NSF: variants seen among roughly 807,000 people sequenced by gnomAD.
NSF encodes N-ethylmaleimide sensitive factor, vesicle fusing ATPase, also known as vesicle-fusing ATPase.
A neutral mutation model predicts 50.3 loss-of-function variants in NSF; 14 were observed. The observed-to-expected ratio is 0.28, with a 90% CI of 0.18 to 0.44. The LOEUF (loss-of-function observed/expected upper bound fraction) is 0.44. Ranked by LOEUF, NSF falls within the 20% of genes least tolerant of loss-of-function variation. The pLI, the probability that NSF is intolerant of heterozygous loss-of-function variation, is 1.00. For synonymous variants in NSF, 109 were observed against 175.7 expected (o/e 0.62, Z 3.00); for missense variants, 218 against 504.3 (o/e 0.43, Z 5.44).
At position 46,605,403 on chromosome 17, in the gene NSF, G is replaced by A. The variant is rs545093023; in HGVS notation, c.12+14616G>A. ...GTGGAGGTTGCAGTGAGCCGAGATCGTGCCATTGCATGCCAGCCTGGGCAA... is the reference window on the plus strand; with the variant it reads ...GTGGAGGTTGCAGTGAGCCGAGATCATGCCATTGCATGCCAGCCTGGGCAA... On this transcript the variant is annotated intron_variant, in intron 1 of 20. Transcript: ENST00000398238. 4.3e-5 allele frequency among the ~76,000 whole-genome samples: 6 copies of A among 141,176 alleles called. No homozygotes were observed. The South Asian group carries it at 7.3e-4, about 17-fold the overall frequency. 92.6% of individuals were successfully genotyped at this position (141,176 alleles called of 152,430 possible). A position where few individuals can be genotyped will look rare whatever the true frequency, so the allele number is the denominator to read the frequency against.
intron 13 of NSF, among the ~76,000 whole-genome samples, chr17:46,709,587 C>G (rs552253047): frequency 2.6e-5 from 4 of 151,786 alleles, no homozygotes; most frequent in South Asian, 2.1e-4. Flanking sequence ...CTCCGCCTCC[C>G]GGGTTCAAGC....
At chr17:46,722,614 T>A (rs936658407) in intron 15 of NSF, among the ~76,000 whole-genome samples, 1 of 152,148 alleles carries the variant, frequency 6.6e-6, no homozygotes, top group African/African-American at 2.4e-5. Flanking sequence ...TTAGTGAGAA[T>A]TCTGCTGGGG....
chr17:46,739,132 G>T (rs2059039596), intron 17 of NSF, among the ~76,000 whole-genome samples: 1 of 152,176 alleles, frequency 6.6e-6, no homozygotes, highest in Non-Finnish European at 1.5e-5. Flanking sequence ...CACTTTGGGA[G>T]GCCAAGGTAG....
chr17:46,731,159 T>TA (rs879432467), intron 17 of NSF, among the ~76,000 whole-genome samples: 1 of 151,616 alleles, frequency 6.6e-6, no homozygotes, highest in African/African-American at 2.4e-5. Flanking sequence ...TACTCAGCAA[T>TA]AAAAAAAAGT....
At chr17:46,730,780 T>C (rs1166480892) in intron 17 of NSF, among the ~76,000 whole-genome samples, 1 of 152,090 alleles carries the variant, frequency 6.6e-6, no homozygotes, top group Non-Finnish European at 1.5e-5. Context: ...TAAGTAAAGT[T>C]CAAATGGCCA....
At chr17:46,630,892 T>C (rs1255355564) in intron 4 of NSF, among the ~76,000 whole-genome samples, 1 of 136,018 alleles carries the variant, frequency 7.4e-6, no homozygotes, top group Non-Finnish European at 1.5e-5. Context: ...TTAAACCAGC[T>C]TTTCTTCTGC....
chr17:46,750,461 G>A (rs2059171280), intron 18 of NSF, among the ~76,000 whole-genome samples: 1 of 152,190 alleles, frequency 6.6e-6, no homozygotes, highest in South Asian at 2.1e-4. Context: ...AATCTGAAAT[G>A]CTTCAGTGAG....
intron 17 of NSF, among the ~76,000 whole-genome samples, chr17:46,735,355 A>G (rs2058991139): frequency 6.6e-6 from 1 of 152,060 alleles, no homozygotes; most frequent in African/African-American, 2.4e-5. Flanking sequence ...GTGGCATTAC[A>G]TTAGCTTTTG....
At chr17:46,736,785 T>C (rs1444030042) in intron 17 of NSF, among the ~76,000 whole-genome samples, 1 of 152,238 alleles carries the variant, frequency 6.6e-6, no homozygotes, top group Non-Finnish European at 1.5e-5. Context: ...CCTTGTTCTT[T>C]TTATGACTTA....
intron 12 of NSF, among the ~76,000 whole-genome samples, chr17:46,699,207 G>GTTTT (rs1193580422): frequency 9.4e-6 from 1 of 106,306 alleles, no homozygotes; most frequent in African/African-American, 3.6e-5. Flanking sequence ...GTTTTTTCAG[G>GTTTT]TTTTCTGAGA....
At chr17:46,754,063 G>A (rs2059209575) in intron 19 of NSF, among the ~76,000 whole-genome samples, 1 of 151,220 alleles carries the variant, frequency 6.6e-6, no homozygotes, top group Non-Finnish European at 1.5e-5. Context: ...CTACAGGCAA[G>A]TCAGTAAGTT....
chr17:46,730,993 A>C (rs1313816497), intron 17 of NSF, among the ~76,000 whole-genome samples: 1 of 152,162 alleles, frequency 6.6e-6, no homozygotes, highest in Non-Finnish European at 1.5e-5. Context: ...TTAAGCATAG[A>C]GTTACCATAT....
At chr17:46,745,225 C>A (rs936526901) in intron 17 of NSF, among the ~76,000 whole-genome samples, 3 of 152,214 alleles carry the variant, frequency 2.0e-5, no homozygotes, top group African/African-American at 7.2e-5. Context: ...CAATGTATCA[C>A]TTTAATATAT....
Position 46,721,548 on chromosome 17 carries a change from T to C in NSF, c.1762-5001T>C. ...ACTATACATTCTTTTTCTGTGTGTG[T>C]GTGAATATATACTTTTTATTTAGCC... is the stretch of plus-strand genomic sequence containing the variant. On this transcript the variant is annotated intron_variant, in intron 15 of 20. Transcript: ENST00000398238. 4 of 1,229,572 alleles carry C rather than the reference T, an allele frequency of 3.3e-6. No homozygotes were observed. In the South Asian group the frequency reaches 4.8e-5, roughly 15 times the overall value. The allele number at this position is 1,229,572 out of a possible 1,614,324, so 76.2% of individuals were successfully genotyped here. A position where few individuals can be genotyped will look rare whatever the true frequency, so the allele number is the denominator to read the frequency against.
At chr17:46,755,578 A>T (rs2059225023) in intron 20 of NSF, 2 of 681,274 alleles carry the variant, frequency 2.9e-6, no homozygotes, top group Non-Finnish European at 2.5e-6. Flanking sequence ...TCCTTGTCAC[A>T]ATGCAGGAAA....
chr17:46,676,293 C>T (rs2058407449), intron 9 of NSF, among the ~76,000 whole-genome samples: 2 of 137,274 alleles, frequency 1.5e-5, no homozygotes, highest in Admixed American at 1.5e-4. Context: ...AGTGCAATGG[C>T]GTGATCTCGG....
intron 17 of NSF, among the ~76,000 whole-genome samples, chr17:46,740,654 A>G (rs1245343127): frequency 6.7e-6 from 1 of 149,698 alleles, no homozygotes; most frequent in East Asian, 1.9e-4. Flanking sequence ...GTACAACTTT[A>G]TCTTTTTCTT....
rs190331330 is a variant in NSF at position 46,729,220 on chromosome 17, T to C, written c.1908+286T>C. Among the ~76,000 whole-genome samples, 19 of 152,252 alleles carry C rather than the reference T, an allele frequency of 1.2e-4. No homozygotes were observed. In the East Asian group the frequency reaches 3.7e-3, roughly 29 times the overall value. Reference sequence around the variant, plus strand: ...TGTAAGTTTTCCACCATATTACATATCCCTACTACCTCCAACTGCCAAGGG... The same window carrying C: ...TGTAAGTTTTCCACCATATTACATACCCCTACTACCTCCAACTGCCAAGGG... On this transcript the variant is annotated intron_variant, in intron 17 of 20. Coordinates refer to ENST00000398238, the MANE Select transcript of NSF (RefSeq NM_006178.4).
At chr17:46,708,143 G>A (rs1273008727) in intron 13 of NSF, among the ~76,000 whole-genome samples, 2 of 151,838 alleles carry the variant, frequency 1.3e-5, no homozygotes, top group Non-Finnish European at 2.9e-5. Flanking sequence ...GAGTAATGCT[G>A]TCATTAGCAT....
Sources: allele counts gnomAD v4.1 joint callset (sites outside exome capture counted in the v4.1 genomes callset), GRCh38; gene constraint gnomAD v4.1.1; transcripts MANE v1.5; gene names NCBI Gene and HGNC (gene_info 2026-07-23, HGNC 2026-07-21).